AASS: variants seen among roughly 807,000 people sequenced by gnomAD.
The protein encoded by AASS is aminoadipate-semialdehyde synthase, also known as alpha-aminoadipic semialdehyde synthase, mitochondrial.
A neutral mutation model predicts 105.4 loss-of-function variants in AASS; 86 were observed. The ratio of observed to expected loss-of-function variants is 0.82; its 90% confidence interval spans 0.69 to 0.98. The LOEUF is 0.98. Among genes scored for constraint, AASS ranks in the 50% least tolerant of loss-of-function variants. The pLI, the probability that AASS is intolerant of heterozygous loss-of-function variation, is 0.00. For synonymous variants in AASS, 381 were observed against 394.8 expected (o/e 0.96, Z 0.41); for missense variants, 1,048 against 1,143.2 (o/e 0.92, Z 1.20).
chr7:122,082,304 C>T (rs956807715), intron 19 of AASS, among the ~76,000 whole-genome samples: 31 of 152,158 alleles, frequency 2.0e-4, no homozygotes, highest in Non-Finnish European at 2.1e-4. Context: ...TTTCACTATT[C>T]CCCAAATGTG....
At chr7:122,077,551 C>A (rs538295815) in intron 23 of AASS, among the ~76,000 whole-genome samples, 1 of 152,160 alleles carries the variant, frequency 6.6e-6, no homozygotes, top group Admixed American at 6.5e-5. Context: ...TGGCAATACC[C>A]ACTTTAAATA....
chr7:122,081,147 C>A (rs10233433), intron 20 of AASS, among the ~76,000 whole-genome samples: 45,485 of 152,084 alleles, frequency 0.3, 7,082 homozygotes, highest in East Asian at 0.43. Context: ...AGTAACTCTC[C>A]TGGATTCTCA....
chr7:122,141,457 T>G (rs1227602090), intron 1 of AASS, among the ~76,000 whole-genome samples: 1 of 152,140 alleles, frequency 6.6e-6, no homozygotes, highest in Admixed American at 6.5e-5. Context: ...AAACTGCAAA[T>G]GTGTATGAGT....
intron 4 of AASS, among the ~76,000 whole-genome samples, chr7:122,119,108 C>T (rs886346743): frequency 1.3e-5 from 2 of 152,196 alleles, no homozygotes; most frequent in African/African-American, 4.8e-5. Flanking sequence ...TAGCTAAACT[C>T]AGTGAACACA....
At chr7:122,087,745 C>G (rs1793694959) in intron 18 of AASS, among the ~76,000 whole-genome samples, 1 of 152,148 alleles carries the variant, frequency 6.6e-6, no homozygotes, top group Non-Finnish European at 1.5e-5. Context: ...ACACCCATCT[C>G]ATTTCTATAA....
intron 11 of AASS, among the ~76,000 whole-genome samples, chr7:122,111,897 C>G (rs1233832863): frequency 6.6e-6 from 1 of 152,112 alleles, no homozygotes; most frequent in Non-Finnish European, 1.5e-5. Flanking sequence ...GGGCGAGAAT[C>G]TGTCTCAAAA....
chr7:122,139,383 G>A (rs907319413), intron 1 of AASS, among the ~76,000 whole-genome samples: 1 of 152,140 alleles, frequency 6.6e-6, no homozygotes. Flanking sequence ...ATATCTGATA[G>A]TGAATTATTA....
chr7:122,115,667 A>G (rs1313544376), intron 8 of AASS, among the ~76,000 whole-genome samples: 1 of 152,156 alleles, frequency 6.6e-6, no homozygotes, highest in Admixed American at 6.5e-5. Flanking sequence ...TGCTGTGAAG[A>G]TTAAATCGGA....
intron 19 of AASS, among the ~76,000 whole-genome samples, chr7:122,082,314 G>T (rs1793378837): frequency 1.3e-5 from 2 of 152,086 alleles, no homozygotes; most frequent in South Asian, 4.1e-4. Context: ...CCCCAAATGT[G>T]CTGTGTTCTT....
chr7:122,076,310 C>T lies in AASS; in HGVS notation c.*179G>A, dbSNP rs1365448572. On this transcript the variant is annotated 3_prime_UTR_variant, in exon 24 of 24. Coordinates refer to ENST00000417368, the MANE Select transcript of AASS (RefSeq NM_005763.4). The stretch of plus-strand genomic sequence containing the variant: ...ATTAAAGTTCTCTGTTAGTGGCTTG[C>T]ATCTCCTGTTCCAAACATTTCCATA... 4 of 583,710 alleles carry T rather than the reference C, an allele frequency of 6.9e-6. No homozygotes were observed. The highest frequency in any genetic ancestry group is 3.7e-5 in the African/African-American group (2 of 53,740). The allele number at this position is 583,710 out of a possible 1,614,324, so 36.2% of individuals were successfully genotyped here.
chr7:122,111,517 G>C (rs138995792), intron 11 of AASS, among the ~76,000 whole-genome samples: 112 of 152,208 alleles, frequency 7.4e-4, no homozygotes, highest in African/African-American at 2.4e-3. Context: ...TAAACACCTT[G>C]GTAAATATAT....
intron 11 of AASS, 147 bp from the exon 12 acceptor site, chr7:122,101,827 A>G: frequency 2.9e-6 from 2 of 680,300 alleles, no homozygotes; most frequent in Non-Finnish European, 5.3e-6. Flanking sequence ...GTGATTGCTA[A>G]TAGAAGTCTT....
intron 19 of AASS, 124 bp from the exon 20 acceptor site, chr7:122,081,719 T>C (rs1387941300): frequency 1.4e-6 from 1 of 702,744 alleles, no homozygotes; most frequent in Admixed American, 2.4e-5. Context: ...ATTGATGATA[T>C]GAGTACTACA....
chr7:122,096,112 G>A (rs1794142953), intron 15 of AASS, among the ~76,000 whole-genome samples: 1 of 151,996 alleles, frequency 6.6e-6, no homozygotes, highest in African/African-American at 2.4e-5. Context: ...ACTCCAAAAG[G>A]TCGAAAATGT....
chr7:122,118,611 A>G lies in AASS; in HGVS notation c.492T>C (p.His164=). The change falls in exon 5 of 24, where the codon CAT becomes CAC. Residue 164 remains histidine (H), a synonymous_variant. Coordinates refer to ENST00000417368, the MANE Select transcript of AASS (RefSeq NM_005763.4). Reference sequence around the variant, plus strand: ...AAGCAAGGAGCCTTAAACCCATTCCATGTAAAATGTTGATCATTCCTGTTA... The same window carrying G: ...AAGCAAGGAGCCTTAAACCCATTCCGTGTAAAATGTTGATCATTCCTGTTA... ...AGVAGMINIL[H]GMGLRLLALG... 1 of 1,613,944 alleles carries G rather than the reference A, an allele frequency of 6.2e-7. No homozygotes were observed. The highest frequency in any genetic ancestry group is 8.5e-7 in the Non-Finnish European group (1 of 1,179,924).
chr7:122,098,736 C>G lies in AASS; in HGVS notation c.1528+9G>C, dbSNP rs1324767198. On this transcript the variant is annotated intron_variant, in intron 14 of 23. Coordinates refer to ENST00000417368, the MANE Select transcript of AASS (RefSeq NM_005763.4). The stretch of plus-strand genomic sequence containing the variant: ...CATTTTTCTTCTTCAAAAATTAGGG[C>G]TTATTTACCTACTGTTATTTCTATA... 1 of 1,606,296 alleles carries G rather than the reference C, an allele frequency of 6.2e-7. No homozygotes were observed. The highest frequency in any genetic ancestry group is 8.5e-7 in the Non-Finnish European group (1 of 1,175,512).
intron 1 of AASS, 88 bp downstream of exon 1, chr7:122,144,073 G>A (rs988682643): frequency 2.6e-5 from 4 of 152,184 alleles, no homozygotes; most frequent in African/African-American, 9.7e-5. Flanking sequence ...GACAGCCCGA[G>A]CCCGGCCCGC....
At chr7:122,105,517 C>A (rs1794629560) in intron 11 of AASS, among the ~76,000 whole-genome samples, 1 of 151,936 alleles carries the variant, frequency 6.6e-6, no homozygotes, top group Admixed American at 6.6e-5. Context: ...AAATTGAAAT[C>A]ATATTAAGTA....
At chr7:122,113,298 T>C in intron 10 of AASS, 69 bp from the exon 11 acceptor site, 1 of 1,311,556 alleles carries the variant, frequency 7.6e-7, no homozygotes, top group Non-Finnish European at 1.1e-6. Flanking sequence ...TTTCCAGATG[T>C]CTACTCCACT....
Sources: gnomAD v4.1 joint callset for allele counts (sites outside exome capture counted in the v4.1 genomes callset) on GRCh38, gnomAD v4.1.1 for gene constraint, MANE v1.5 for transcripts, NCBI Gene and HGNC (gene_info 2026-07-23, HGNC 2026-07-21) for gene names.